TIAM1: variants seen among roughly 807,000 people sequenced by gnomAD.
TIAM1 encodes TIAM Rac1 associated GEF 1, also known as rho guanine nucleotide exchange factor TIAM1.
TIAM1 carries 65 observed loss-of-function variants against 163.5 expected under a neutral mutation model. The ratio of observed to expected loss-of-function variants is 0.40; its 90% CI spans 0.33 to 0.49. The LOEUF is 0.49. TIAM1 is among the 20% of genes least tolerant of loss of function. The pLI is 0.77. For missense variants in TIAM1, 1,789 were observed against 2,044.7 expected, an observed-to-expected ratio of 0.87 and a Z score of 2.41; for synonymous variants, 833 against 810.1, an observed-to-expected ratio of 1.03 and a Z score of -0.48.
At chr21:31,251,072 T>C (rs1448952135) in intron 5 of TIAM1, among the ~76,000 whole-genome samples, 1 of 152,232 alleles carries the variant, frequency 6.6e-6, no homozygotes, top group Non-Finnish European at 1.5e-5. Flanking sequence ...CCTTTAAACA[T>C]GGCAATTTCA....
chr21:31,154,622 C>A (rs2083533567), intron 16 of TIAM1, among the ~76,000 whole-genome samples, 196 bp from the exon 17 acceptor site: 1 of 152,204 alleles, frequency 6.6e-6, no homozygotes, highest in Non-Finnish European at 1.5e-5. Flanking sequence ...CAATTGCTAA[C>A]ATACACTCAT....
intron 6 of TIAM1, among the ~76,000 whole-genome samples, chr21:31,244,049 T>C (rs2071364100): frequency 6.6e-6 from 1 of 152,180 alleles, no homozygotes; most frequent in Non-Finnish European, 1.5e-5. Context: ...TCCTGGTTGG[T>C]GGTTGCATAA....
intron 2 of TIAM1, among the ~76,000 whole-genome samples, chr21:31,292,982 C>A (rs2284496): frequency 6.6e-6 from 1 of 152,084 alleles, no homozygotes; most frequent in Non-Finnish European, 1.5e-5. Flanking sequence ...CGCCACCATG[C>A]GCAGCTCATT....
chr21:31,189,044 C>CTTTTTTTTTTTTTTT (rs58786753), intron 13 of TIAM1, among the ~76,000 whole-genome samples: 7 of 70,086 alleles, frequency 1.0e-4, no homozygotes, highest in African/African-American at 2.9e-4. Context: ...TCCATTCCCT[C>CTTTTTTTTTTTTTTT]TTTTTTTTTT....
At chr21:31,473,948 G>A (rs1426317303) in intron 1 of TIAM1, among the ~76,000 whole-genome samples, 4 of 152,182 alleles carry the variant, frequency 2.6e-5, no homozygotes, top group Non-Finnish European at 5.9e-5. Flanking sequence ...GCACAGTTCT[G>A]CAGGCTGCAC....
chr21:31,503,023 G>A (rs543488535), intron 1 of TIAM1, among the ~76,000 whole-genome samples: 23 of 152,336 alleles, frequency 1.5e-4, no homozygotes, highest in Admixed American at 1.1e-3. Context: ...CCTGGGCTCT[G>A]ATGTATGTTG....
rs140034009 is a variant in TIAM1 at position 31,438,252 on chromosome 21, C to T, written c.-369+25731G>A. On this transcript the variant is annotated intron_variant, in intron 2 of 28. Coordinates refer to the TIAM1 transcript ENST00000286827. ...TGTTGCCCAGACTGGAGTGCAGTGG[C>T]ATGATCTGGGCCCACCACAACCTCC... Among the ~76,000 whole-genome samples the T allele has an allele frequency of 1.6e-3, 200 of 125,788 alleles. 2 individuals carry two copies. Among genetic ancestry groups the T allele is most frequent in the African/African-American group, 5.3e-3 (170 of 31,814 alleles). 82.5% of individuals were successfully genotyped at this position (125,788 alleles called of 152,430 possible). A position where few individuals can be genotyped will look rare whatever the true frequency, so the allele number is the denominator to read the frequency against.
chr21:31,197,195 A>G (rs904021003), intron 12 of TIAM1, among the ~76,000 whole-genome samples: 1 of 152,298 alleles, frequency 6.6e-6, no homozygotes, highest in African/African-American at 2.4e-5. Flanking sequence ...ATCATGCGAT[A>G]TACTCAGGTA....
At chr21:31,188,826 A>T (rs2085417856) in intron 13 of TIAM1, among the ~76,000 whole-genome samples, 1 of 151,828 alleles carries the variant, frequency 6.6e-6, no homozygotes, top group Non-Finnish European at 1.5e-5. Context: ...CTCCCACCTC[A>T]GCCTCTCACA....
At chr21:31,494,099 A>G (rs149327748) in intron 1 of TIAM1, among the ~76,000 whole-genome samples, 9,058 of 152,112 alleles carry the variant, frequency 0.06, 488 homozygotes, top group Admixed American at 0.16. Flanking sequence ...ATTTTTATAG[A>G]GACAGGGTTT....
Position 31,430,221 on chromosome 21 carries a change from A to ATATAT in TIAM1, c.-369+33761_-369+33762insATATA, listed in dbSNP as rs1188059548. Among the ~76,000 whole-genome samples, 10 of 104,830 alleles carry ATATAT rather than the reference A, an allele frequency of 9.5e-5. 1 individual carries two copies. The highest frequency in any genetic ancestry group is 3.1e-4 in the African/African-American group (7 of 22,898). 68.8% of individuals were successfully genotyped at this position (104,830 alleles called of 152,430 possible). A position where few individuals can be genotyped will look rare whatever the true frequency, so the allele number is the denominator to read the frequency against. ...AACTCCATCTCAAAGAAAAAAAAAA[A>ATATAT]AAAAATATATATATATATATATATA... On this transcript the variant is annotated intron_variant, in intron 2 of 28. Coordinates refer to the TIAM1 transcript ENST00000286827.
intron 6 of TIAM1, among the ~76,000 whole-genome samples, chr21:31,228,568 A>G (rs990367899): frequency 6.6e-6 from 1 of 152,186 alleles, no homozygotes; most frequent in African/African-American, 2.4e-5. Flanking sequence ...GGAATGGATG[A>G]ATATGTGGGA....
In TIAM1 at chr21:31,120,830, G is replaced by A. The variant is rs761127570; in HGVS notation, c.4314C>T (p.Ala1438=). Residue 1438 remains alanine (A), a synonymous_variant, in exon 28 of 28, where the codon GCC becomes GCT. Transcript: ENST00000541036. This position sits in a 1 kb window ranked among gnomAD's most constrained non-coding sequence, Gnocchi z 4.2. ...ARPAMSRAVS[A]PSKSLGRRRR... The stretch of plus-strand genomic sequence containing the variant: ...TCCTCCTCCCAAGAGACTTGCTTGG[G>A]GCAGACACTGCACACACACACAAAA... 8 of 1,609,646 alleles carry A rather than the reference G, an allele frequency of 5.0e-6. No individual in the cohort carries two copies. The highest frequency in any genetic ancestry group is 6.8e-6 in the Non-Finnish European group (8 of 1,177,872).
intron 20 of TIAM1, among the ~76,000 whole-genome samples, chr21:31,143,451 T>TA (rs201784706): frequency 0.041 from 4,759 of 115,714 alleles, 244 homozygotes; most frequent in African/African-American, 0.14. Context: ...ATATATAATT[T>TA]TTATATATAT....
intron 15 of TIAM1, among the ~76,000 whole-genome samples, chr21:31,180,025 C>T (rs2084941247): frequency 2.0e-5 from 3 of 151,534 alleles, no homozygotes. Flanking sequence ...TTTGCCTCAG[C>T]CTCCCGAGTA....
At chr21:31,197,379 C>CT (rs1258537968) in intron 12 of TIAM1, among the ~76,000 whole-genome samples, 5,485 of 142,524 alleles carry the variant, frequency 0.038, 336 homozygotes, top group African/African-American at 0.13. Flanking sequence ...TTTCTTTTTT[C>CT]TTTTTTTTTT....
intron 1 of TIAM1, among the ~76,000 whole-genome samples, chr21:31,508,358 T>C (rs1032334913): frequency 2.0e-5 from 3 of 151,180 alleles, no homozygotes; most frequent in Non-Finnish European, 4.4e-5. Flanking sequence ...GATAGAGAAA[T>C]AAAGAACTAG....
chr21:31,338,335 T>C (rs770351665), intron 2 of TIAM1, among the ~76,000 whole-genome samples: 12 of 152,154 alleles, frequency 7.9e-5, no homozygotes, highest in African/African-American at 2.9e-4. Flanking sequence ...CAGTCTCCTA[T>C]TGTGTTCAAT....
At chr21:31,527,040 C>T (rs933694217) in intron 1 of TIAM1, among the ~76,000 whole-genome samples, 1 of 152,206 alleles carries the variant, frequency 6.6e-6, no homozygotes, top group African/African-American at 2.4e-5. Flanking sequence ...CATCAAGCTT[C>T]CAAAGACTTC....
Sources: allele counts gnomAD v4.1 joint callset (sites outside exome capture counted in the v4.1 genomes callset), GRCh38; gene constraint gnomAD v4.1.1; non-coding constraint Gnocchi (gnomAD v3.1); transcripts MANE v1.5; gene names NCBI Gene and HGNC (gene_info 2026-07-23, HGNC 2026-07-21).